Variants in OR9Q1 observed in about 807,000 individuals in gnomAD.
OR9Q1 encodes olfactory receptor 9Q1.
For missense variants in OR9Q1, 374 were observed against 378.8 expected (o/e 0.99, Z 0.11); for synonymous variants, 153 against 148.6 (o/e 1.03, Z -0.22).
At chr11:58,071,087 T>A (rs938262484) in intron 2 of OR9Q1, among the ~76,000 whole-genome samples, 1 of 152,190 alleles carries the variant, frequency 6.6e-6, no homozygotes, top group Admixed American at 6.5e-5. Flanking sequence ...ATGCTTTATA[T>A]CCAGCAGCAA....
Position 58,092,271 on chromosome 11 carries a change from G to A in OR9Q1, c.-15+36324G>A, listed in dbSNP as rs187061158. 3.3e-5 allele frequency among the ~76,000 whole-genome samples: 5 copies of A among 151,738 alleles called. No individual in the cohort carries two copies. In the East Asian group the frequency reaches 9.7e-4, roughly 29 times the overall value. ...TTTTTGTGTGTTTTTTAGAGCGGCT[G>A]GTACCAGTTTTTCCTTTCCACATTT... On this transcript the variant is annotated intron_variant, in intron 2 of 2. Coordinates refer to ENST00000335397, the MANE Select transcript of OR9Q1 (RefSeq NM_001005212.4).
At chr11:58,178,807 C>A (rs1405007140) in intron 2 of OR9Q1, among the ~76,000 whole-genome samples, 1 of 150,778 alleles carries the variant, frequency 6.6e-6, no homozygotes, top group Non-Finnish European at 1.5e-5. Flanking sequence ...TGCCACAGGA[C>A]TTCGTTGATG....
intron 2 of OR9Q1, chr11:58,119,425 G>T (rs1393952589): frequency 1.2e-6 from 2 of 1,608,962 alleles, no homozygotes; most frequent in Non-Finnish European, 8.5e-7. Context: ...GGTTACTCTG[G>T]TGAGATTATT....
At chr11:58,125,249 C>CCCCA (rs141493207) in intron 2 of OR9Q1, 13 of 81,252 alleles carry the variant, frequency 1.6e-4, no homozygotes, top group Non-Finnish European at 2.5e-4. Flanking sequence ...GCCCCCCCCC[C>CCCCA]AAAAAAAAGC....
chr11:58,100,290 C>T (rs894304201), intron 2 of OR9Q1, among the ~76,000 whole-genome samples: 6 of 152,176 alleles, frequency 3.9e-5, no homozygotes, highest in African/African-American at 1.4e-4. Context: ...ATAGTGGCTG[C>T]TCTAAAAATG....
chr11:58,146,006 G>A (rs1414714970), intron 2 of OR9Q1, among the ~76,000 whole-genome samples: 5 of 152,134 alleles, frequency 3.3e-5, no homozygotes, highest in Admixed American at 6.6e-5. Flanking sequence ...GGGAAAGGAG[G>A]TGTGTTAGCC....
chr11:58,138,348 G>A (rs1854208851), intron 2 of OR9Q1, among the ~76,000 whole-genome samples: 1 of 152,176 alleles, frequency 6.6e-6, no homozygotes, highest in Non-Finnish European at 1.5e-5. Context: ...CAGTGAATTT[G>A]GAGACGTTTA....
intron 2 of OR9Q1, chr11:58,075,313 G>T (rs1278690041): frequency 6.6e-6 from 1 of 152,152 alleles, no homozygotes; most frequent in Non-Finnish European, 1.5e-5. Context: ...TCCTTGAAGA[G>T]GTCCTTCATG....
At chr11:58,167,224 TATTA>T (rs935197862) in intron 2 of OR9Q1, among the ~76,000 whole-genome samples, 16 of 152,374 alleles carry the variant, frequency 1.1e-4, no homozygotes, top group African/African-American at 2.2e-4. Context: ...AAATATTATT[TATTA>T]GTTTCTTTAC....
rs75637204 is a variant in OR9Q1 at position 58,056,280 on chromosome 11, C to T, written c.-15+333C>T. 7.1e-3 allele frequency among the ~76,000 whole-genome samples: 1,081 copies of T among 152,266 alleles called. 19 individuals are homozygous for T. The highest frequency in any genetic ancestry group is 0.025 in the African/African-American group (1,032 of 41,556). On this transcript the variant is annotated intron_variant, in intron 2 of 2. Transcript: ENST00000335397. ...GACCTTCGCTGTCAGAGCCAGTTCT[C>T]TCTGTTGGACCTAGACCTCTGGTAT...
chr11:58,048,679 A>AAAATATATATATAT (rs745596668), intron 1 of OR9Q1, among the ~76,000 whole-genome samples: 10 of 131,428 alleles, frequency 7.6e-5, no homozygotes, highest in East Asian at 5.2e-4. Flanking sequence ...TAAAAAAAAA[A>AAAATATATATATAT]ATATATATAT....
chr11:58,091,349 G>T (rs1296019974), intron 2 of OR9Q1, among the ~76,000 whole-genome samples: 2 of 152,042 alleles, frequency 1.3e-5, no homozygotes, highest in Admixed American at 1.3e-4. Context: ...TTGTCTCTTT[G>T]TTCTCACTGG....
At chr11:58,152,469 C>T (rs541036078) in intron 2 of OR9Q1, among the ~76,000 whole-genome samples, 1 of 152,184 alleles carries the variant, frequency 6.6e-6, no homozygotes, top group African/African-American at 2.4e-5. Context: ...TGGAAATTAC[C>T]TCATTATTTT....
At chr11:58,069,983 A>G (rs1284219002) in intron 2 of OR9Q1, among the ~76,000 whole-genome samples, 1 of 152,034 alleles carries the variant, frequency 6.6e-6, no homozygotes, top group East Asian at 1.9e-4. Flanking sequence ...GTGTCCCAGC[A>G]TCACTCTTTT....
chr11:58,077,222 G>A (rs1451738525), intron 2 of OR9Q1: 1 of 152,172 alleles, frequency 6.6e-6, no homozygotes. Context: ...GGAGCAGGAT[G>A]TTCACAAATG....
chr11:58,125,626 A>T (rs1371601843), intron 2 of OR9Q1: 2 of 152,190 alleles, frequency 1.3e-5, no homozygotes, highest in East Asian at 3.9e-4. Flanking sequence ...GGAGGGATGC[A>T]GTGATCTCAG....
intron 2 of OR9Q1, among the ~76,000 whole-genome samples, chr11:58,128,295 C>T (rs1320200015): frequency 6.8e-6 from 1 of 147,254 alleles, no homozygotes; most frequent in African/African-American, 2.5e-5. Context: ...GAGCAATTAA[C>T]CTGCCTGATA....
chr11:58,076,210 A>T (rs142237166), intron 2 of OR9Q1, among the ~76,000 whole-genome samples: 2 of 152,216 alleles, frequency 1.3e-5, no homozygotes, highest in Admixed American at 6.5e-5. Flanking sequence ...AAATTACTAC[A>T]TTTAGCAGCT....
chr11:58,111,778 A>G (rs1014473728), intron 2 of OR9Q1, among the ~76,000 whole-genome samples: 2 of 152,138 alleles, frequency 1.3e-5, no homozygotes, highest in African/African-American at 4.8e-5. Flanking sequence ...GGAACTTTCT[A>G]GTATAGACAT....
Sources: gnomAD v4.1 joint callset for allele counts (sites outside exome capture counted in the v4.1 genomes callset) on GRCh38, gnomAD v4.1.1 for gene constraint, MANE v1.5 for transcripts, NCBI Gene and HGNC (gene_info 2026-07-23, HGNC 2026-07-21) for gene names.